ATP10B: variants seen among roughly 807,000 people sequenced by gnomAD.
The protein encoded by ATP10B is phospholipid-transporting ATPase VB.
Under a neutral mutation model 141.2 loss-of-function variants are expected in ATP10B, and 122 were observed. The ratio of observed to expected loss-of-function variants is 0.86; its 90% CI spans 0.75 to 1.00. The LOEUF is 1.00. Among genes scored for constraint, ATP10B ranks in the 50% least tolerant of loss-of-function variants. The pLI is 0.00. For synonymous variants in ATP10B, 685 were observed against 692.0 expected, an observed-to-expected ratio of 0.99 and a Z score of 0.16; for missense variants, 1,876 against 1,825.3, an observed-to-expected ratio of 1.03 and a Z score of -0.51.
At chr5:160,722,770 C>G (rs1766074539) in intron 2 of ATP10B, among the ~76,000 whole-genome samples, 1 of 152,196 alleles carries the variant, frequency 6.6e-6, no homozygotes, top group African/African-American at 2.4e-5. Flanking sequence ...GGTCCTTGCC[C>G]TCTCCTGCTT....
chr5:160,754,775 G>A (rs1291908367), intron 2 of ATP10B, among the ~76,000 whole-genome samples: 1 of 152,140 alleles, frequency 6.6e-6, no homozygotes, highest in African/African-American at 2.4e-5. Context: ...ACTAAAAGAA[G>A]GCACTCATGT....
At chr5:160,676,295 T>C (rs1302430530) in intron 6 of ATP10B, among the ~76,000 whole-genome samples, 2 of 152,146 alleles carry the variant, frequency 1.3e-5, no homozygotes. Flanking sequence ...ACAGGTGCCA[T>C]CCAGCAAGAT....
At chr5:160,606,663 C>A (rs1451675095) in intron 19 of ATP10B, 102 bp downstream of exon 19, 2 of 1,168,330 alleles carry the variant, frequency 1.7e-6, no homozygotes, top group African/African-American at 1.5e-5. Context: ...TGACTCACAG[C>A]CTAAGCATTC....
chr5:160,824,950 T>A (rs1774463996), intron 1 of ATP10B, among the ~76,000 whole-genome samples: 1 of 117,924 alleles, frequency 8.5e-6, no homozygotes, highest in African/African-American at 2.8e-5. Context: ...AATAGGCCTG[T>A]GTTCCTTAAA....
the ATP10B span, among the ~76,000 whole-genome samples, chr5:160,878,388 T>C: frequency 6.6e-6 from 1 of 151,656 alleles, no homozygotes; most frequent in Non-Finnish European, 1.5e-5. Context: ...CAATTCAAGA[T>C]GGATTAAAGA....
chr5:160,716,136 G>A (rs764596135), intron 3 of ATP10B, among the ~76,000 whole-genome samples: 2 of 152,014 alleles, frequency 1.3e-5, no homozygotes, highest in South Asian at 2.1e-4. Context: ...TATTAATTAC[G>A]TCATCATTCA....
At chr5:160,891,809 C>G in the ATP10B span, among the ~76,000 whole-genome samples, 9 of 152,314 alleles carry the variant, frequency 5.9e-5, no homozygotes, top group Admixed American at 1.3e-4. Context: ...AGACATTTTC[C>G]TTGACTCTAT....
intron 9 of ATP10B, among the ~76,000 whole-genome samples, chr5:160,643,191 C>G (rs369476474): frequency 3.6e-4 from 55 of 152,166 alleles, no homozygotes; most frequent in African/African-American, 1.3e-3. Context: ...ACCTGTTTTT[C>G]TTTGACAATC....
At chr5:160,845,579 A>T (rs1183470130) in intron 1 of ATP10B, among the ~76,000 whole-genome samples, 3 of 152,186 alleles carry the variant, frequency 2.0e-5, no homozygotes, top group Non-Finnish European at 4.4e-5. Context: ...TCATAAATGA[A>T]CAAAAAGTTT....
intron 18 of ATP10B, among the ~76,000 whole-genome samples, chr5:160,609,943 A>G (rs533484908): frequency 6.6e-6 from 1 of 152,336 alleles, no homozygotes; most frequent in South Asian, 2.1e-4. Flanking sequence ...CATAAGCTTT[A>G]AAATTAAATC....
intron 3 of ATP10B, among the ~76,000 whole-genome samples, chr5:160,713,987 G>A (rs1765444654): frequency 2.1e-5 from 1 of 46,888 alleles, no homozygotes; most frequent in African/African-American, 8.6e-5. Context: ...GAGATCCGCT[G>A]TTAGTTTGAT....
Position 160,652,902 on chromosome 5 carries a change from T to A in ATP10B, c.676-3646A>T, listed in dbSNP as rs567142206. Among the ~76,000 whole-genome samples, 302 of 64,718 alleles carry A rather than the reference T, an allele frequency of 4.7e-3. 29 individuals are homozygous for A. The highest frequency in any genetic ancestry group is 0.024 in the African/African-American group (290 of 12,040). The allele number at this position is 64,718 out of a possible 152,430, so 42.5% of individuals were successfully genotyped here. On this transcript the variant is annotated intron_variant, in intron 7 of 25. Coordinates refer to ENST00000327245, the MANE Select transcript of ATP10B (RefSeq NM_025153.3). ...ATATATATATAATTATATAATATAT[T>A]ATATATACATGTATATATAATATAT... is the stretch of plus-strand genomic sequence containing the variant.
At chr5:160,637,232 T>C (rs111863682) in intron 10 of ATP10B, among the ~76,000 whole-genome samples, 3 of 151,200 alleles carry the variant, frequency 2.0e-5, no homozygotes, top group South Asian at 4.2e-4. Flanking sequence ...ACCCACCCAT[T>C]CATCCATTCA....
chr5:160,899,766 A>AT, the ATP10B span, among the ~76,000 whole-genome samples: 1 of 152,116 alleles, frequency 6.6e-6, no homozygotes, highest in East Asian at 1.9e-4. Context: ...ACAGCAACAG[A>AT]TTTTCTCTGG....
chr5:160,927,318 A>G, the ATP10B span, among the ~76,000 whole-genome samples: 16 of 152,272 alleles, frequency 1.1e-4, 1 homozygote, highest in African/African-American at 3.6e-4. Flanking sequence ...AAGTACCCCC[A>G]CATCTTTAAG....
chr5:160,755,841 ATATATATATAT>A lies in ATP10B; in HGVS notation c.-331+29707_-331+29717del, dbSNP rs1768544080. The stretch of plus-strand genomic sequence containing the variant: ...AAAAAAAAAAAAAAAAAAAAAAAAT[ATATATATATAT>A]ATATATATATATATATATATATATA... On this transcript the variant is annotated intron_variant, in intron 2 of 25. Transcript: ENST00000327245. Among the ~76,000 whole-genome samples, 83 of 30,910 alleles carry A rather than the reference ATATATATATAT, an allele frequency of 2.7e-3. 1 individual carries two copies. The highest frequency in any genetic ancestry group is 0.011 in the African/African-American group (74 of 6,472). The allele number at this position is 30,910 out of a possible 152,430, so 20.3% of individuals were successfully genotyped here. A position where few individuals can be genotyped will look rare whatever the true frequency, so the allele number is the denominator to read the frequency against.
chr5:160,628,002 G>A (rs890126350), intron 13 of ATP10B, among the ~76,000 whole-genome samples: 4 of 152,184 alleles, frequency 2.6e-5, no homozygotes, highest in Admixed American at 1.3e-4. Flanking sequence ...GACTATTATG[G>A]CAACATTTTC....
At chr5:160,869,942 G>T in the ATP10B span, among the ~76,000 whole-genome samples, 1 of 152,098 alleles carries the variant, frequency 6.6e-6, no homozygotes, top group Non-Finnish European at 1.5e-5. Context: ...CTTCTGTCAG[G>T]GGAGGGGAAA....
chr5:160,641,369 G>T (rs1022142649), intron 9 of ATP10B, among the ~76,000 whole-genome samples: 1 of 152,150 alleles, frequency 6.6e-6, no homozygotes, highest in East Asian at 1.9e-4. Context: ...GGGACCAAAG[G>T]TCCCCACCCC....
Sources: gnomAD v4.1 joint callset for allele counts (sites outside exome capture counted in the v4.1 genomes callset) on GRCh38, gnomAD v4.1.1 for gene constraint, MANE v1.5 for transcripts, NCBI Gene and HGNC (gene_info 2026-07-23, HGNC 2026-07-21) for gene names.